TASP1: variants seen among roughly 807,000 people sequenced by gnomAD.
TASP1 encodes taspase 1.
TASP1 carries 16 observed loss-of-function variants against 56.6 expected under a neutral mutation model. The observed-to-expected ratio is 0.28, with a 90% confidence interval of 0.19 to 0.43. The LOEUF is 0.43. TASP1 is among the 20% of genes least tolerant of loss of function. The pLI is 1.00. For missense variants in TASP1, 393 were observed against 511.6 expected, an observed-to-expected ratio of 0.77 and a Z score of 2.24; for synonymous variants, 179 against 184.2, an observed-to-expected ratio of 0.97 and a Z score of 0.23.
the TASP1 span, among the ~76,000 whole-genome samples, chr20:13,340,742 GAA>G: frequency 2.0e-5 from 3 of 152,108 alleles, no homozygotes; most frequent in Admixed American, 6.6e-5. Context: ...TGCTTTTGCA[GAA>G]GATCAAATAC....
At chr20:13,126,732 A>G in the TASP1 span, 7 of 1,613,674 alleles carry the variant, frequency 4.3e-6, no homozygotes, top group East Asian at 2.2e-5. Context: ...GAGGATCTGC[A>G]GAGAGCACAG....
chr20:13,299,542 C>A, the TASP1 span: 2 of 1,251,242 alleles, frequency 1.6e-6, no homozygotes, highest in Non-Finnish European at 2.2e-6. The surrounding 1 kb of genome is among the most constrained non-coding windows in gnomAD (Gnocchi z 5.8). Flanking sequence ...GGCGCCGAGA[C>A]CTTCATAGCT....
chr20:13,254,755 G>A, the TASP1 span, among the ~76,000 whole-genome samples: 3 of 152,246 alleles, frequency 2.0e-5, no homozygotes, highest in Non-Finnish European at 2.9e-5. Context: ...AACAGAGCCA[G>A]GGAGAACTTT....
intron 10 of TASP1, among the ~76,000 whole-genome samples, chr20:13,508,070 C>T (rs1318119452): frequency 6.6e-6 from 1 of 152,034 alleles, no homozygotes. Flanking sequence ...CAAAAACCAA[C>T]TCAAAATAGA....
chr20:13,540,486 A>G (rs1306587140), intron 8 of TASP1, among the ~76,000 whole-genome samples: 1 of 152,220 alleles, frequency 6.6e-6, no homozygotes, highest in East Asian at 1.9e-4. Context: ...CCTGGGAACA[A>G]TCCAAATGTC....
chr20:13,371,895 GC>G, the TASP1 span, among the ~76,000 whole-genome samples: 1 of 151,970 alleles, frequency 6.6e-6, no homozygotes, highest in African/African-American at 2.4e-5. Context: ...TACATTGTAT[GC>G]CCTTTTTATC....
chr20:13,578,419 C>G (rs2047005384), intron 6 of TASP1, among the ~76,000 whole-genome samples: 1 of 152,040 alleles, frequency 6.6e-6, no homozygotes, highest in Non-Finnish European at 1.5e-5. Flanking sequence ...TAATTTTTCT[C>G]AGTTCCAAAG....
the TASP1 span, among the ~76,000 whole-genome samples, chr20:13,149,108 G>C: frequency 6.6e-6 from 1 of 152,102 alleles, no homozygotes; most frequent in African/African-American, 2.4e-5. Context: ...TCCAAAATAT[G>C]ACAAAATAAA....
At chr20:13,126,794 AATAC>A in the TASP1 span, 13 of 1,557,770 alleles carry the variant, frequency 8.3e-6, no homozygotes, top group Admixed American at 1.8e-5. Flanking sequence ...CCGCTTCTCA[AATAC>A]ACACCTTTAT....
At chr20:13,373,049 G>T in the TASP1 span, among the ~76,000 whole-genome samples, 2 of 151,976 alleles carry the variant, frequency 1.3e-5, no homozygotes, top group Non-Finnish European at 2.9e-5. Flanking sequence ...ACAAAGAAGA[G>T]TAGGTATTTA....
the TASP1 span, among the ~76,000 whole-genome samples, chr20:13,247,540 G>C: frequency 3.4e-4 from 52 of 151,732 alleles, no homozygotes; most frequent in Non-Finnish European, 5.7e-4. Context: ...GTGTGTGTGT[G>C]TGTGTGTGTG....
At chr20:13,347,778 GT>G in the TASP1 span, among the ~76,000 whole-genome samples, 1 of 151,014 alleles carries the variant, frequency 6.6e-6, no homozygotes, top group African/African-American at 2.4e-5. Flanking sequence ...GGGGGCAGAG[GT>G]TTTAGTAAGC....
Position 13,533,626 on chromosome 20 carries a change from A to C in TASP1, c.795+396T>G, listed in dbSNP as rs149923541. On this transcript the variant is annotated intron_variant, in intron 9 of 13. Transcript: ENST00000337743. ...CAATACATGGAACAGAGGAAATAAA[A>C]AATGTAACTCTAAAATCATTTCTCC... Among the ~76,000 whole-genome samples, 364 of 152,316 alleles carry C rather than the reference A, an allele frequency of 2.4e-3. 1 individual carries two copies. The highest frequency in any genetic ancestry group is 3.9e-3 in the Non-Finnish European group (262 of 68,024).
the TASP1 span, among the ~76,000 whole-genome samples, chr20:13,262,730 T>C: frequency 7.0e-6 from 1 of 142,014 alleles, no homozygotes; most frequent in African/African-American, 2.6e-5. Context: ...AGTGAAGTGT[T>C]GATCTCCATT....
intron 11 of TASP1, among the ~76,000 whole-genome samples, chr20:13,472,011 C>CA (rs981868437): frequency 7.9e-5 from 12 of 151,868 alleles, no homozygotes; most frequent in African/African-American, 2.7e-4. Flanking sequence ...CATATGGAAC[C>CA]AAAAAAGAGC....
intron 10 of TASP1, among the ~76,000 whole-genome samples, chr20:13,527,093 C>T (rs1014398883): frequency 6.6e-6 from 1 of 152,066 alleles, no homozygotes; most frequent in Admixed American, 6.6e-5. Context: ...CAGAATTCAC[C>T]AAAGGCTCAA....
intron 13 of TASP1, chr20:13,393,248 C>T (rs192273592): frequency 5.4e-5 from 40 of 737,816 alleles, no homozygotes; most frequent in Middle Eastern, 3.8e-4. Context: ...ATGGCCCCTC[C>T]GGGAAACTGT....
chr20:13,606,623 C>T lies in TASP1; in HGVS notation c.282+16823G>A, dbSNP rs534921767. Among the ~76,000 whole-genome samples the T allele has an allele frequency of 3.3e-5, 5 of 151,996 alleles. No homozygotes were observed. The South Asian group carries it at 8.3e-4, about 25-fold the overall frequency. On this transcript the variant is annotated intron_variant, in intron 4 of 13. Transcript: ENST00000337743. ...GAGATCGAGACCATCCTGACTAACA[C>T]GGTGAAACCCCGTATCTACTAAAAA...
the TASP1 span, among the ~76,000 whole-genome samples, chr20:13,250,243 C>T: frequency 6.6e-6 from 1 of 152,254 alleles, no homozygotes; most frequent in South Asian, 2.1e-4. Flanking sequence ...TCAGATTATA[C>T]ACTGGGTACT....
Sources: allele counts gnomAD v4.1 joint callset (sites outside exome capture counted in the v4.1 genomes callset), GRCh38; gene constraint gnomAD v4.1.1; non-coding constraint Gnocchi (gnomAD v3.1); transcripts MANE v1.5; gene names NCBI Gene and HGNC (gene_info 2026-07-23, HGNC 2026-07-21).